The following MSI2 variants were observed in gnomAD, a reference collection of about 807,000 sequenced individuals.
The protein encoded by MSI2 is musashi RNA binding protein 2.
A neutral mutation model predicts 45.6 loss-of-function variants in MSI2; 17 were observed. The observed-to-expected ratio is 0.37, with a 90% CI of 0.26 to 0.56. The LOEUF (loss-of-function observed/expected upper bound fraction) is 0.56, where lower values mean the gene tolerates loss of function less well. Ranked by LOEUF, MSI2 falls within the 20% of genes least tolerant of loss-of-function variation. The pLI is 0.77. For missense variants in MSI2, 293 were observed against 444.2 expected (o/e 0.66, Z 3.06); for synonymous variants, 156 against 158.2 (o/e 0.99, Z 0.11).
intron 5 of MSI2, among the ~76,000 whole-genome samples, chr17:57,372,063 T>A (rs1598181774): frequency 6.6e-6 from 1 of 151,918 alleles, no homozygotes; most frequent in South Asian, 2.1e-4. Context: ...TAACTTAATT[T>A]AAAAAAAATT....
rs2086071598 is a variant in MSI2, at chr17:57,500,167, CTTA to C, written c.406-29504_406-29502del. Among the ~76,000 whole-genome samples the C allele has an allele frequency of 2.0e-5, 3 of 152,148 alleles. No homozygotes were observed. In the East Asian group the frequency reaches 5.8e-4, roughly 29 times the overall value. Reference sequence around the variant, plus strand: ...GACACGCTCAGGACGGGTAGGAGGTCTTATTATCACCATTTTACAAACTGGAAA... The same window carrying C: ...GACACGCTCAGGACGGGTAGGAGGTCTTATCACCATTTTACAAACTGGAAA... On this transcript the variant is annotated intron_variant, in intron 6 of 13. Coordinates refer to ENST00000284073, the MANE Select transcript of MSI2 (RefSeq NM_138962.4).
At chr17:57,616,251 G>T (rs11079313) in intron 9 of MSI2, 167 bp downstream of exon 9, 1 of 585,418 alleles carries the variant, frequency 1.7e-6, no homozygotes, top group Non-Finnish European at 3.0e-6. Context: ...CAGTTGTGAT[G>T]ATTAAGTGTG....
chr17:57,270,738 G>A (rs994762330), intron 5 of MSI2, among the ~76,000 whole-genome samples: 4 of 152,152 alleles, frequency 2.6e-5, no homozygotes, highest in Non-Finnish European at 4.4e-5. Flanking sequence ...CATGTTGTGG[G>A]TACAGTATAA....
intron 6 of MSI2, among the ~76,000 whole-genome samples, chr17:57,409,813 C>A (rs987860324): frequency 6.6e-6 from 1 of 151,888 alleles, no homozygotes; most frequent in Non-Finnish European, 1.5e-5. Flanking sequence ...TCGAGACCAG[C>A]CTGGCCAACA....
chr17:57,442,618 C>T (rs1422211922), intron 6 of MSI2, among the ~76,000 whole-genome samples: 1 of 152,168 alleles, frequency 6.6e-6, no homozygotes, highest in Non-Finnish European at 1.5e-5. Flanking sequence ...TGGGAAAAAA[C>T]CCACAACCCC....
intron 5 of MSI2, among the ~76,000 whole-genome samples, chr17:57,320,578 GGAAGGGTCAGAGGTTTCTACC>G (rs1913251499): frequency 6.6e-6 from 1 of 152,116 alleles, no homozygotes; most frequent in Non-Finnish European, 1.5e-5. Flanking sequence ...AAGACAGTTG[GGAAGGGTCAGAGGTTTCTACC>G]CTTAGAGTCT....
chr17:57,489,754 C>T (rs568883387), intron 6 of MSI2, among the ~76,000 whole-genome samples: 4 of 152,260 alleles, frequency 2.6e-5, no homozygotes, highest in Non-Finnish European at 4.4e-5. Context: ...GGCACAGTGC[C>T]GGACACTGGT....
chr17:57,552,532 T>C lies in MSI2; in HGVS notation c.454+22808T>C, dbSNP rs2087331960. Among the ~76,000 whole-genome samples, 1 of 152,208 alleles carries C rather than the reference T, an allele frequency of 6.6e-6. No homozygotes were observed. The highest frequency in any genetic ancestry group is 2.4e-5 in the African/African-American group (1 of 41,444). On this transcript the variant is annotated intron_variant, in intron 7 of 13. Coordinates refer to ENST00000284073, the MANE Select transcript of MSI2 (RefSeq NM_138962.4). This position sits in a 1 kb window ranked among gnomAD's most constrained non-coding sequence, Gnocchi z 4.3. ...CTCCATCCCCGGAGGTCTTGGCTCA[T>C]GGGCTTTCTTGATCTCTGAGTGTCT...
chr17:57,534,024 T>C (rs995925266), intron 7 of MSI2, among the ~76,000 whole-genome samples: 6 of 152,228 alleles, frequency 3.9e-5, no homozygotes, highest in African/African-American at 1.2e-4. Context: ...GCAATCTTGA[T>C]AGAAACAGCC....
intron 5 of MSI2, among the ~76,000 whole-genome samples, chr17:57,389,366 A>C (rs905024674): frequency 6.6e-6 from 1 of 152,158 alleles, no homozygotes; most frequent in Non-Finnish European, 1.5e-5. Context: ...GGCCTGGCCT[A>C]TCCTCCTTGC....
intron 6 of MSI2, among the ~76,000 whole-genome samples, chr17:57,422,058 A>G (rs2084405897): frequency 6.6e-6 from 1 of 152,212 alleles, no homozygotes; most frequent in Non-Finnish European, 1.5e-5. Context: ...AGGAACTATC[A>G]ATCCACTCAA....
intron 5 of MSI2, among the ~76,000 whole-genome samples, chr17:57,358,557 TA>T (rs1374145361): frequency 6.6e-6 from 1 of 152,142 alleles, no homozygotes; most frequent in East Asian, 1.9e-4. Flanking sequence ...GAAAGGTGAA[TA>T]TGGGATGTGA....
At chr17:57,587,234 G>A (rs1428281502) in intron 7 of MSI2, among the ~76,000 whole-genome samples, 1 of 152,160 alleles carries the variant, frequency 6.6e-6, no homozygotes, top group Non-Finnish European at 1.5e-5. Context: ...GCCAGGTTAT[G>A]GTGGCCAATT....
intron 7 of MSI2, among the ~76,000 whole-genome samples, chr17:57,569,427 T>C (rs1211272522): frequency 6.6e-6 from 1 of 152,138 alleles, no homozygotes; most frequent in African/African-American, 2.4e-5. Context: ...AGCTGGACAT[T>C]GTGGTCATGA....
intron 5 of MSI2, among the ~76,000 whole-genome samples, chr17:57,293,670 G>A (rs1598082979): frequency 3.3e-5 from 5 of 149,668 alleles, no homozygotes; most frequent in East Asian, 2.0e-4. Flanking sequence ...GTGCAATGGC[G>A]CAATCTCGGC....
rs1030320288 is a variant in MSI2 at position 57,596,207 on chromosome 17, A to G, written c.455-661A>G. ...GTCGCCTGCCAAAATTCTTCAGTGC[A>G]GCTTGTCTAGCAAAGCCGGTCTCCA... On this transcript the variant is annotated intron_variant, in intron 7 of 13. Transcript: ENST00000284073. This position sits in a 1 kb window ranked among gnomAD's most constrained non-coding sequence, Gnocchi z 4.6. 6.6e-6 allele frequency among the ~76,000 whole-genome samples: 1 copy of G among 152,236 alleles called. No homozygotes were observed. Among genetic ancestry groups the G allele is most frequent in the African/African-American group, 2.4e-5 (1 of 41,462 alleles).
chr17:57,456,738 G>A (rs2085123250), intron 6 of MSI2, among the ~76,000 whole-genome samples: 2 of 152,198 alleles, frequency 1.3e-5, no homozygotes, highest in African/African-American at 2.4e-5. Flanking sequence ...CTGCCTTTGG[G>A]TCCGTAAATC....
chr17:57,392,189 C>T (rs1358262020), intron 5 of MSI2, among the ~76,000 whole-genome samples: 1 of 152,200 alleles, frequency 6.6e-6, no homozygotes. Flanking sequence ...GGTTACCTCC[C>T]CCAGCCCCCA....
At chr17:57,634,734 A>G (rs1425390588) in intron 10 of MSI2, among the ~76,000 whole-genome samples, 2 of 152,260 alleles carry the variant, frequency 1.3e-5, no homozygotes, top group African/African-American at 4.8e-5. Context: ...GAATTCATTT[A>G]TCTCTCATGT....
Sources: gnomAD v4.1 joint callset for allele counts (sites outside exome capture counted in the v4.1 genomes callset) on GRCh38, gnomAD v4.1.1 for gene constraint, Gnocchi (gnomAD v3.1) non-coding constraint, MANE v1.5 for transcripts, NCBI Gene and HGNC (gene_info 2026-07-23, HGNC 2026-07-21) for gene names.